MFSD1: variants seen among roughly 807,000 people sequenced by gnomAD.
The protein encoded by MFSD1 is major facilitator superfamily domain containing 1.
MFSD1 carries 59 observed loss-of-function variants against 67.1 expected under a neutral mutation model. The ratio of observed to expected loss-of-function variants is 0.88; its 90% CI spans 0.71 to 1.09. MFSD1 has a LOEUF of 1.09. Among genes scored for constraint, MFSD1 ranks in the 50% least tolerant of loss-of-function variants. The probability of loss-of-function intolerance (pLI) is 0.00; values close to 1 mark genes in which losing one functional copy is unlikely to be tolerated. For synonymous variants in MFSD1, 213 were observed against 200.3 expected (o/e 1.06, Z -0.54); for missense variants, 552 against 566.1 (o/e 0.97, Z 0.25).
chr3:158,802,347 T>C, intron 1 of MFSD1, 32 bp downstream of exon 1: 2 of 1,610,022 alleles, frequency 1.2e-6, no homozygotes, highest in South Asian at 2.2e-5. Context: ...GGGCTGATCT[T>C]TAAGGAATTC....
At chr3:158,823,304 A>G (rs1398833692) in intron 11 of MFSD1, 124 bp from the exon 12 acceptor site, 9 of 705,638 alleles carry the variant, frequency 1.3e-5, no homozygotes, top group Non-Finnish European at 2.3e-5. Context: ...TTAGCCTAAT[A>G]ACAACAAAAT....
intron 6 of MFSD1, among the ~76,000 whole-genome samples, chr3:158,812,016 C>G (rs1730047459): frequency 6.6e-6 from 1 of 152,086 alleles, no homozygotes; most frequent in African/African-American, 2.4e-5. Context: ...TTAGCAAGTA[C>G]TCAATAAATG....
At chr3:158,819,390 T>C (rs149751395) in intron 7 of MFSD1, among the ~76,000 whole-genome samples, 5 of 152,328 alleles carry the variant, frequency 3.3e-5, no homozygotes, top group African/African-American at 1.2e-4. Context: ...ACTAGACTAG[T>C]TTTTTCTAGT....
At position 158,804,357 on chromosome 3, in the gene MFSD1, A is replaced by G. The variant is rs778666566; in HGVS notation, c.202A>G (p.Thr68Ala). Residue 68 changes from threonine to alanine, a missense_variant, in exon 2 of 16, where the codon ACT (threonine) becomes GCT (alanine). By Grantham distance (58) the Thr-to-Ala change is moderately conservative (BLOSUM62 0). Coordinates refer to ENST00000415822, the MANE Select transcript of MFSD1 (RefSeq NM_022736.4). ...FCYDNPAALQ[T>A]QVKRDMQVNT... ...CTATGATAATCCTGCTGCCCTTCAG[A>G]CTCAAGTTAAACGAGTAAGTTGATT... 4 of 1,611,134 alleles carry G rather than the reference A, an allele frequency of 2.5e-6. No homozygotes were observed. The East Asian group carries it at 8.9e-5, about 36-fold the overall frequency.
chr3:158,811,957 C>T (rs1413753912), intron 6 of MFSD1, among the ~76,000 whole-genome samples: 1 of 152,152 alleles, frequency 6.6e-6, no homozygotes, highest in Non-Finnish European at 1.5e-5. Context: ...TATTTAAAAT[C>T]TCTTTTAACT....
At chr3:158,828,195 T>C (rs911302915) in intron 15 of MFSD1, among the ~76,000 whole-genome samples, 2 of 152,224 alleles carry the variant, frequency 1.3e-5, no homozygotes, top group African/African-American at 4.8e-5. Context: ...TTAACATTTC[T>C]TTTTCTAAAA....
chr3:158,826,032 G>T lies in MFSD1; in HGVS notation c.1306G>T (p.Val436Phe), dbSNP rs1420204373. Reference protein sequence around the residue: ...ACVSLSLLSVVLLYLVNRAQG... With the variant: ...ACVSLSLLSVFLLYLVNRAQG... ...ACTCCTAGTGTCACTTTTATCTGTG[G>T]TCTTACTCTATTTGGTGAATCGTGC... The change falls in exon 14 of 16, where the codon GTC becomes TTC. Residue 436 changes from valine (V) to phenylalanine (F), a missense_variant. Coordinates refer to ENST00000415822, the MANE Select transcript of MFSD1 (RefSeq NM_022736.4). The T allele has an allele frequency of 1.9e-6, 3 of 1,613,430 alleles. No individual in the cohort carries two copies. In the East Asian group the frequency reaches 6.7e-5, roughly 36 times the overall value.
Position 158,806,883 on chromosome 3 carries a change from A to T in MFSD1, c.330-157A>T, listed in dbSNP as rs371883458. On this transcript the variant is annotated intron_variant, in intron 3 of 15. Transcript: ENST00000415822. ...GGCTTCAGAGGGAGATGAGCCCTTTATTTTTCTTTCTTTGGAGGGAATACA... is the reference window on the plus strand; with the variant it reads ...GGCTTCAGAGGGAGATGAGCCCTTTTTTTTTCTTTCTTTGGAGGGAATACA... 1.1e-3 allele frequency among the ~76,000 whole-genome samples: 161 copies of T among 152,190 alleles called. 1 individual carries two copies. The East Asian group carries it at 0.02, about 19-fold the overall frequency.
chr3:158,813,869 A>G lies in MFSD1; in HGVS notation c.550-96A>G. 4.4e-6 allele frequency: 3 copies of G among 676,340 alleles called. No individual in the cohort carries two copies. The South Asian group carries it at 7.4e-5, about 17-fold the overall frequency. The allele number at this position is 676,340 out of a possible 1,614,324, so 41.9% of individuals were successfully genotyped here. ...GGAAATTACCTCCTGTTCAATTTGG[A>G]TCCTACTTCTGAGCCACCTCAAATC... is the stretch of plus-strand genomic sequence containing the variant. On this transcript the variant is annotated intron_variant, in intron 6 of 15. Coordinates refer to ENST00000415822, the MANE Select transcript of MFSD1 (RefSeq NM_022736.4).
chr3:158,814,251 T>G (rs530702408), intron 7 of MFSD1, among the ~76,000 whole-genome samples, 184 bp downstream of exon 7: 1 of 152,368 alleles, frequency 6.6e-6, no homozygotes, highest in South Asian at 2.1e-4. Context: ...GTATATTAAT[T>G]TCCACTTTCT....
intron 15 of MFSD1, 52 bp from the exon 16 acceptor site, chr3:158,828,927 G>A: frequency 1.9e-6 from 3 of 1,581,066 alleles, no homozygotes; most frequent in South Asian, 1.2e-5. Flanking sequence ...AGGCAGGTGA[G>A]CTTCATGTTT....
intron 11 of MFSD1, chr3:158,823,039 C>G: frequency 4.9e-6 from 1 of 203,732 alleles, no homozygotes; most frequent in Admixed American, 5.2e-5. Flanking sequence ...GGACTGTTGG[C>G]ATGATATTGC....
intron 6 of MFSD1, among the ~76,000 whole-genome samples, chr3:158,813,761 T>A (rs1277445609): frequency 7.1e-6 from 1 of 140,256 alleles, no homozygotes; most frequent in African/African-American, 2.6e-5. Flanking sequence ...TCTAATAAAT[T>A]GGCTTTTTTT....
intron 7 of MFSD1, among the ~76,000 whole-genome samples, chr3:158,815,847 C>T (rs1730303597): frequency 6.7e-6 from 1 of 148,280 alleles, no homozygotes; most frequent in Admixed American, 6.8e-5. Flanking sequence ...TGTTCCCCTT[C>T]CTGTGTCCAA....
Position 158,818,089 on chromosome 3 carries a change from G to A in MFSD1, c.653-1560G>A, listed in dbSNP as rs137871963. 1.1e-3 allele frequency among the ~76,000 whole-genome samples: 173 copies of A among 152,226 alleles called. 1 individual carries two copies. The East Asian group carries it at 0.016, about 14-fold the overall frequency. ...TTTACCACTTTTGCTTTTTCTCTGGGCAGGCAGTTTGTCTAACTGAACCCT... is the reference window on the plus strand; with the variant it reads ...TTTACCACTTTTGCTTTTTCTCTGGACAGGCAGTTTGTCTAACTGAACCCT... On this transcript the variant is annotated intron_variant, in intron 7 of 15. Coordinates refer to ENST00000415822, the MANE Select transcript of MFSD1 (RefSeq NM_022736.4).
intron 1 of MFSD1, 93 bp from the exon 2 acceptor site, chr3:158,804,226 T>C (rs1379884047): frequency 1.2e-6 from 1 of 807,518 alleles, no homozygotes; most frequent in African/African-American, 1.7e-5. Context: ...ACCCGTAGTA[T>C]CAGCATTTAA....
intron 7 of MFSD1, among the ~76,000 whole-genome samples, chr3:158,818,019 CTAGT>C (rs1380639453): frequency 6.6e-6 from 1 of 152,074 alleles, no homozygotes; most frequent in African/African-American, 2.4e-5. Context: ...CTCCATGGTG[CTAGT>C]TGCTGGGTGG....
At chr3:158,802,514 G>A (rs1450355904) in intron 1 of MFSD1, 199 bp downstream of exon 1, 2 of 753,702 alleles carry the variant, frequency 2.7e-6, no homozygotes, top group Non-Finnish European at 4.6e-6. Flanking sequence ...CGTCCGGAAC[G>A]TGGAGGTCGA....
At chr3:158,805,049 T>C (rs1729655380) in intron 2 of MFSD1, among the ~76,000 whole-genome samples, 1 of 152,132 alleles carries the variant, frequency 6.6e-6, no homozygotes, top group Admixed American at 6.5e-5. Flanking sequence ...AGGTAGTATA[T>C]AGAAGTTATA....
Sources: allele counts gnomAD v4.1 joint callset (sites outside exome capture counted in the v4.1 genomes callset), GRCh38; gene constraint gnomAD v4.1.1; transcripts MANE v1.5; gene names NCBI Gene and HGNC (gene_info 2026-07-23, HGNC 2026-07-21).